IRAG2: variants seen among roughly 807,000 people sequenced by gnomAD.
IRAG2 encodes inositol 1,4,5-triphosphate receptor associated 2, also known as lymphoid restricted membrane protein.
A neutral mutation model predicts 69.9 loss-of-function variants in IRAG2; 45 were observed. The ratio of observed to expected loss-of-function variants is 0.64; its 90% CI spans 0.51 to 0.83. The LOEUF (loss-of-function observed/expected upper bound fraction) is 0.83. Among genes scored for constraint, IRAG2 ranks in the 40% least tolerant of loss-of-function variants. The pLI is 0.00. For missense variants in IRAG2, 520 were observed against 587.0 expected (o/e 0.89, Z 1.18); for synonymous variants, 193 against 202.4 (o/e 0.95, Z 0.40).
chr12:25,067,193 A>C (rs1296687718), intron 5 of IRAG2, among the ~76,000 whole-genome samples: 1 of 152,068 alleles, frequency 6.6e-6, no homozygotes, highest in East Asian at 1.9e-4. Context: ...TTGTCCCTGC[A>C]CCCTACCCTC....
In IRAG2 at chr12:25,083,502, A is replaced by C. The variant is rs1268100545; in HGVS notation, c.315+9A>C. 1 of 1,551,542 alleles carries C rather than the reference A, an allele frequency of 6.4e-7. No individual in the cohort carries two copies. Among genetic ancestry groups the C allele is most frequent in the Non-Finnish European group, 8.9e-7 (1 of 1,123,654 alleles). On this transcript the variant is annotated intron_variant, in intron 10 of 21. Coordinates refer to ENST00000556887, the MANE Select transcript of IRAG2 (RefSeq NM_001366544.2). ...AAACCATATTAAATCTGGTAAGGAA[A>C]TACGTATGTTCACAACAAAGGTGGT...
rs199648214 is a variant in IRAG2 at position 25,070,136 on chromosome 12, C to G, written c.24+705C>G. On this transcript the variant is annotated intron_variant, in intron 6 of 21. Coordinates refer to ENST00000556887, the MANE Select transcript of IRAG2 (RefSeq NM_001366544.2). ...GATATAATTCACCCACCAGACAATT[C>G]ATTAATTTAAATTATTCACTTAAAT... is the stretch of plus-strand genomic sequence containing the variant. 8.5e-5 allele frequency among the ~76,000 whole-genome samples: 13 copies of G among 152,260 alleles called. No individual in the cohort carries two copies. The East Asian group carries it at 2.1e-3, about 25-fold the overall frequency.
Position 25,012,143 on chromosome 12 carries a change from C to CTTTTTTTTTT in IRAG2, c.896+592_896+593insTTTTTTTTTT, listed in dbSNP as rs1944480147. Among the ~76,000 whole-genome samples the CTTTTTTTTTT allele has an allele frequency of 3.3e-4, 8 of 24,096 alleles. 4 individuals are homozygous for CTTTTTTTTTT. Among genetic ancestry groups the CTTTTTTTTTT allele is most frequent in the African/African-American group, 3.0e-4 (4 of 13,162 alleles). 15.8% of individuals were successfully genotyped at this position (24,096 alleles called of 152,430 possible). A position where few individuals can be genotyped will look rare whatever the true frequency, so the allele number is the denominator to read the frequency against. ...GTCTTCTTCCACAGAAAGCGAATTCCCTTTTTTTTTTTTTTTTTTTTTTTT... is the reference window on the plus strand; with the variant it reads ...GTCTTCTTCCACAGAAAGCGAATTCCTTTTTTTTTTCTTTTTTTTTTTTTTTTTTTTTTTT... On this transcript the variant is annotated intron_variant, in intron 3 of 38. Coordinates refer to the IRAG2 transcript ENST00000636465.
intron 20 of IRAG2, among the ~76,000 whole-genome samples, chr12:25,105,725 T>G (rs544129622): frequency 6.6e-5 from 10 of 152,192 alleles, no homozygotes. Flanking sequence ...TACTGAGAAG[T>G]CTTTGTAAAC....
chr12:25,049,285 C>A (rs954868640), upstream of IRAG2, among the ~76,000 whole-genome samples: 7 of 152,088 alleles, frequency 4.6e-5, no homozygotes, highest in African/African-American at 1.7e-4. Flanking sequence ...GTGAAGAATG[C>A]CAATGGCAGT....
intron 8 of IRAG2, among the ~76,000 whole-genome samples, chr12:25,025,869 T>G (rs1429241388): frequency 1.3e-5 from 2 of 152,152 alleles, no homozygotes; most frequent in Non-Finnish European, 2.9e-5. Flanking sequence ...AGTCATCAGC[T>G]GAGAGTGAGG....
At chr12:25,041,641 C>T (rs955567565) in intron 16 of IRAG2, among the ~76,000 whole-genome samples, 4 of 150,462 alleles carry the variant, frequency 2.7e-5, no homozygotes, top group Middle Eastern at 3.4e-3. Flanking sequence ...AGCTGTATGC[C>T]GCTATGCTCC....
intron 3 of IRAG2, among the ~76,000 whole-genome samples, chr12:25,012,594 G>A (rs1944485794): frequency 6.6e-6 from 1 of 152,098 alleles, no homozygotes; most frequent in African/African-American, 2.4e-5. Context: ...TTGGGAGGCT[G>A]AGGCAGGTGG....
At position 25,069,700 on chromosome 12, in the gene IRAG2, G is replaced by A. The variant is rs971066727; in HGVS notation, c.24+269G>A. ...AACCAAAAAGAGATTTCAATGAAGTGAGCTAAACTTTTTGTTTGAGAGGCA... is the reference window on the plus strand; with the variant it reads ...AACCAAAAAGAGATTTCAATGAAGTAAGCTAAACTTTTTGTTTGAGAGGCA... On this transcript the variant is annotated intron_variant, in intron 6 of 21. Transcript: ENST00000556887. 3.9e-5 allele frequency among the ~76,000 whole-genome samples: 6 copies of A among 152,306 alleles called. No individual in the cohort carries two copies. In the East Asian group the frequency reaches 9.6e-4, roughly 24 times the overall value.
intron 21 of IRAG2, 67 bp from the exon 22 acceptor site, chr12:25,107,750 T>G (rs767236442): frequency 1.2e-4 from 184 of 1,487,846 alleles, no homozygotes; most frequent in Middle Eastern, 3.5e-4. Flanking sequence ...ACTGGTGGTG[T>G]TAGCAAAAGG....
intron 3 of IRAG2, 144 bp downstream of exon 3, chr12:25,063,044 G>C (rs1327067088): frequency 2.5e-6 from 1 of 393,376 alleles, no homozygotes; most frequent in Non-Finnish European, 4.5e-6. Flanking sequence ...TGAGGCAACA[G>C]ATACGTGTTT....
At chr12:25,090,316 A>AGGATCACTT (rs1361051577) in intron 14 of IRAG2, 119 bp downstream of exon 14, 1 of 891,432 alleles carries the variant, frequency 1.1e-6, no homozygotes, top group African/African-American at 1.7e-5. Context: ...CCAAGGCAGG[A>AGGATCACTT]GGATCACTTG....
At chr12:25,075,521 C>CGTGCGTGTGTGT (rs1555138400) in intron 6 of IRAG2, among the ~76,000 whole-genome samples, 2 of 139,372 alleles carry the variant, frequency 1.4e-5, no homozygotes, top group East Asian at 2.2e-4. Flanking sequence ...TGTGTGTATG[C>CGTGCGTGTGTGT]GTGTGTGTGT....
At chr12:25,091,698 C>T (rs950651432) in intron 14 of IRAG2, among the ~76,000 whole-genome samples, 84 of 152,066 alleles carry the variant, frequency 5.5e-4, no homozygotes, top group African/African-American at 1.9e-3. Flanking sequence ...TTTTTCATAG[C>T]AGCTATATCA....
intron 9 of IRAG2, among the ~76,000 whole-genome samples, chr12:25,080,788 G>A (rs2140113135): frequency 6.6e-6 from 1 of 152,258 alleles, no homozygotes; most frequent in South Asian, 2.1e-4. Flanking sequence ...TCCACCTTAT[G>A]TCTAATAAGT....
rs896614650 is a variant in IRAG2, at chr12:25,026,787, A to C, written c.1384-2A>C. 25 of 1,207,768 alleles carry C rather than the reference A, an allele frequency of 2.1e-5. No individual in the cohort carries two copies. The African/African-American group carries it at 3.6e-4, about 17-fold the overall frequency. 74.8% of individuals were successfully genotyped at this position (1,207,768 alleles called of 1,614,324 possible). On this transcript the variant is annotated splice_acceptor_variant, in intron 8 of 38. Transcript: ENST00000636465. LOFTEE classifies it high-confidence loss of function. ...ATCCAAGAATACTATCTTTTACATT[A>C]GAATTTCAAGAACATCATGGATATA...
chr12:25,048,917 C>A (rs992236548), upstream of IRAG2, among the ~76,000 whole-genome samples: 18 of 152,128 alleles, frequency 1.2e-4, no homozygotes, highest in African/African-American at 4.3e-4. Context: ...AGTCTTTAAT[C>A]TATATTGAGT....
At chr12:25,077,316 TG>T (rs1946837066) in intron 6 of IRAG2, among the ~76,000 whole-genome samples, 3 of 52,430 alleles carry the variant, frequency 5.7e-5, no homozygotes, top group Admixed American at 4.3e-4. Context: ...ATGATATATA[TG>T]ATATATATAT....
At chr12:25,089,498 A>G in intron 11 of IRAG2, 116 bp from the exon 12 acceptor site, 1 of 612,478 alleles carries the variant, frequency 1.6e-6, no homozygotes, top group South Asian at 2.3e-5. Flanking sequence ...GCTGGCGATC[A>G]TCTCAGACAT....
Sources: gnomAD v4.1 joint callset for allele counts (sites outside exome capture counted in the v4.1 genomes callset) on GRCh38, gnomAD v4.1.1 for gene constraint, MANE v1.5 for transcripts, NCBI Gene and HGNC (gene_info 2026-07-23, HGNC 2026-07-21) for gene names.